Variants in MTMR14 observed in about 807,000 individuals in gnomAD.
MTMR14 encodes the protein phosphatidylinositol-3,5-bisphosphate 3-phosphatase MTMR14.
In MTMR14, 48 loss-of-function variants were observed where a neutral mutation model predicts 86.3. The observed-to-expected ratio is 0.56, with a 90% CI of 0.44 to 0.71. The LOEUF (loss-of-function observed/expected upper bound fraction) is 0.71, where lower values mean the gene tolerates loss of function less well. Among genes scored for constraint, MTMR14 ranks in the 30% least tolerant of loss-of-function variants. The probability of loss-of-function intolerance (pLI) is 0.00; values close to 1 mark genes in which losing one functional copy is unlikely to be tolerated. For synonymous variants in MTMR14, 366 were observed against 326.1 expected (o/e 1.12, Z -1.32); for missense variants, 780 against 834.6 (o/e 0.93, Z 0.81).
At chr3:9,655,610 G>A (rs1351586234) in intron 2 of MTMR14, among the ~76,000 whole-genome samples, 1 of 149,180 alleles carries the variant, frequency 6.7e-6, no homozygotes, top group South Asian at 2.2e-4. Flanking sequence ...ACAGGCGCCC[G>A]CCACCACGCC....
rs1356234069 is a variant in MTMR14 at position 9,702,019 on chromosome 3, C to G, written c.*46C>G. The G allele has an allele frequency of 6.2e-7, 1 of 1,610,830 alleles. No homozygotes were observed. Among genetic ancestry groups the G allele is most frequent in the Admixed American group, 1.7e-5 (1 of 60,036 alleles). ...TTCCTGCTCCTCTCTCAGCTGAGCCCTTAGCAGAGAATCAAAGCCATGCCT... is the reference window on the plus strand; with the variant it reads ...TTCCTGCTCCTCTCTCAGCTGAGCCGTTAGCAGAGAATCAAAGCCATGCCT... On this transcript the variant is annotated 3_prime_UTR_variant, in exon 19 of 19. Transcript: ENST00000296003.
At chr3:9,694,648 G>A (rs924497330) in intron 17 of MTMR14, among the ~76,000 whole-genome samples, 4 of 152,170 alleles carry the variant, frequency 2.6e-5, no homozygotes, top group African/African-American at 4.8e-5. Context: ...TCATTTGTCC[G>A]AGAGCCTGTA....
At chr3:9,657,774 C>T (rs914590242) in intron 2 of MTMR14, among the ~76,000 whole-genome samples, 7 of 152,116 alleles carry the variant, frequency 4.6e-5, no homozygotes, top group African/African-American at 1.7e-4. Context: ...TGGTCTTGAA[C>T]TCCTGACCTC....
intron 1 of MTMR14, among the ~76,000 whole-genome samples, chr3:9,651,215 C>T (rs1027427719): frequency 6.6e-6 from 1 of 152,176 alleles, no homozygotes; most frequent in African/African-American, 2.4e-5. Flanking sequence ...GATCCTCCCA[C>T]TTAAGCCTGC....
At chr3:9,693,500 CAT>C (rs1053963313) in intron 17 of MTMR14, among the ~76,000 whole-genome samples, 8 of 152,174 alleles carry the variant, frequency 5.3e-5, no homozygotes, top group African/African-American at 9.7e-5. Context: ...TCAGTTAACA[CAT>C]GTTTTGTATA....
chr3:9,700,074 C>G (rs920464101), intron 18 of MTMR14: 1 of 152,172 alleles, frequency 6.6e-6, no homozygotes, highest in Non-Finnish European at 1.5e-5. Flanking sequence ...ACATTTCACT[C>G]CCACCGATCT....
chr3:9,655,796 G>A (rs1157360647), intron 2 of MTMR14, among the ~76,000 whole-genome samples: 4 of 151,900 alleles, frequency 2.6e-5, no homozygotes, highest in South Asian at 2.1e-4. Context: ...CTTGAGAACC[G>A]CTGCTGCAGG....
intron 9 of MTMR14, among the ~76,000 whole-genome samples, chr3:9,679,930 C>T (rs541256137): frequency 6.6e-6 from 1 of 152,288 alleles, no homozygotes; most frequent in East Asian, 1.9e-4. Flanking sequence ...TTTTGTCTCA[C>T]TGGGGCTCCT....
intron 17 of MTMR14, among the ~76,000 whole-genome samples, chr3:9,694,266 CT>C (rs2076218970): frequency 6.6e-6 from 1 of 152,198 alleles, no homozygotes; most frequent in South Asian, 2.1e-4. Context: ...GGAAAAATCA[CT>C]TCCTTTCTGA....
At chr3:9,686,127 G>T (rs566985094) in intron 13 of MTMR14, among the ~76,000 whole-genome samples, 60 of 151,902 alleles carry the variant, frequency 3.9e-4, no homozygotes, top group Non-Finnish European at 7.4e-4. Flanking sequence ...TTGTTCCTCC[G>T]TCTCAGCTGC....
intron 18 of MTMR14, among the ~76,000 whole-genome samples, chr3:9,699,036 T>G (rs984144542): frequency 6.6e-6 from 1 of 151,764 alleles, no homozygotes; most frequent in African/African-American, 2.4e-5. Context: ...GGCGAGGTGG[T>G]GAATGCCTAT....
At chr3:9,682,884 C>T (rs1473795761) in intron 9 of MTMR14, among the ~76,000 whole-genome samples, 2 of 152,086 alleles carry the variant, frequency 1.3e-5, no homozygotes, top group African/African-American at 4.8e-5. Flanking sequence ...CTCTGGGTCA[C>T]CCTGGCCTCA....
intron 18 of MTMR14, chr3:9,700,315 T>G (rs73811569): frequency 0.059 from 8,939 of 152,190 alleles, 568 homozygotes; most frequent in African/African-American, 0.14. Flanking sequence ...AGTATTTAGG[T>G]GTATGGGAAT....
At chr3:9,654,366 A>G (rs2047476408) in intron 2 of MTMR14, among the ~76,000 whole-genome samples, 1 of 152,250 alleles carries the variant, frequency 6.6e-6, no homozygotes, top group African/African-American at 2.4e-5. Flanking sequence ...AAAGCCTGAC[A>G]TGTACGTTGT....
intron 9 of MTMR14, among the ~76,000 whole-genome samples, chr3:9,682,453 A>G (rs2075799593): frequency 6.6e-6 from 1 of 152,180 alleles, no homozygotes; most frequent in Non-Finnish European, 1.5e-5. Flanking sequence ...GGTGCCGCAA[A>G]ACTGGGTCAG....
intron 7 of MTMR14, among the ~76,000 whole-genome samples, chr3:9,674,076 A>G (rs1211720909): frequency 6.6e-6 from 1 of 152,204 alleles, no homozygotes; most frequent in Non-Finnish European, 1.5e-5. Flanking sequence ...GCTGGTTTTC[A>G]GACATAGTTT....
In MTMR14 at chr3:9,649,753, A is replaced by G; in HGVS notation, c.159+11A>G. On this transcript the variant is annotated intron_variant, in intron 1 of 18. Transcript: ENST00000296003. ...ACCGGCGGCTCTAAGGTGAGATTGGAGGTGCGATGAGCTGGGGAAGGCTCC... is the reference window on the plus strand; with the variant it reads ...ACCGGCGGCTCTAAGGTGAGATTGGGGGTGCGATGAGCTGGGGAAGGCTCC... The G allele has an allele frequency of 6.2e-7, 1 of 1,612,992 alleles. No homozygotes were observed. Among genetic ancestry groups the G allele is most frequent in the Middle Eastern group, 1.6e-4 (1 of 6,062 alleles).
chr3:9,657,070 T>C (rs1003830438), intron 2 of MTMR14, among the ~76,000 whole-genome samples: 1 of 151,834 alleles, frequency 6.6e-6, no homozygotes, highest in African/African-American at 2.4e-5. Context: ...ATACCACCAC[T>C]CCCAGCTGAT....
At chr3:9,684,040 A>G (rs1387941859) in intron 10 of MTMR14, among the ~76,000 whole-genome samples, 2 of 152,188 alleles carry the variant, frequency 1.3e-5, no homozygotes, top group Non-Finnish European at 2.9e-5. Flanking sequence ...GTCGCATGCC[A>G]GCCCCTGGAG....
Sources: gnomAD v4.1 joint callset for allele counts (sites outside exome capture counted in the v4.1 genomes callset) on GRCh38, gnomAD v4.1.1 for gene constraint, MANE v1.5 for transcripts, NCBI Gene and HGNC (gene_info 2026-07-23, HGNC 2026-07-21) for gene names.